DMD: variants seen among roughly 807,000 people sequenced by gnomAD.
DMD encodes the protein dystrophin.
DMD carries 63 observed loss-of-function variants against 330.1 expected under a neutral mutation model. That is an observed-to-expected ratio of 0.19 (90% CI 0.16 to 0.24). The LOEUF (loss-of-function observed/expected upper bound fraction) is 0.24. Among genes scored for constraint, DMD ranks in the 10% least tolerant of loss-of-function variants. DMD has a pLI of 1.00. For synonymous variants in DMD, 1,223 were observed against 959.8 expected, an observed-to-expected ratio of 1.27 and a Z score of -5.07; for missense variants, 3,344 against 2,684.1, an observed-to-expected ratio of 1.25 and a Z score of -5.43.
At chrX:32,195,707 C>T (rs145272492) in intron 44 of DMD, among the ~76,000 whole-genome samples, 15,650 of 111,348 alleles carry the variant, frequency 0.14, 978 homozygotes, top group East Asian at 0.26. Context: ...GGTCAAGAGG[C>T]GGAGGAGGAG....
intron 7 of DMD, among the ~76,000 whole-genome samples, chrX:32,735,551 C>T (rs1326269158): frequency 9.0e-6 from 1 of 111,345 alleles, no homozygotes; most frequent in Non-Finnish European, 1.9e-5. Context: ...CAGCATGGTA[C>T]TGGTACCAAA....
intron 2 of DMD, among the ~76,000 whole-genome samples, chrX:32,941,882 G>T (rs2090445384): frequency 1.8e-5 from 2 of 111,407 alleles, no homozygotes; most frequent in Non-Finnish European, 3.8e-5. Context: ...CTTTTTAAAA[G>T]GTCCTTCCAA....
chrX:31,651,692 G>C (rs1442537324), intron 54 of DMD, among the ~76,000 whole-genome samples: 2 of 110,961 alleles, frequency 1.8e-5, no homozygotes, highest in African/African-American at 6.6e-5. Context: ...GAGTCTTCTT[G>C]ACTCTTTCTC....
rs763681411 is a variant in DMD, at chrX:31,827,469, T to A, written c.7201-7386A>T. Among the ~76,000 whole-genome samples the A allele has an allele frequency of 5.4e-4, 60 of 111,837 alleles. 1 individual carries two copies. Among genetic ancestry groups the A allele is most frequent in the African/African-American group, 1.9e-3 (59 of 30,843 alleles). ...AGAAATGAGATAGACAGCAATGCAATAATAGTGGGGGACTTCAATACTCCA... is the reference window on the plus strand; with the variant it reads ...AGAAATGAGATAGACAGCAATGCAAAAATAGTGGGGGACTTCAATACTCCA... On this transcript the variant is annotated intron_variant, in intron 49 of 78. Transcript: ENST00000357033.
rs192199419 is a variant in DMD, at chrX:32,178,766, G to C, written c.6438+38150C>G. 5.5e-3 allele frequency among the ~76,000 whole-genome samples: 600 copies of C among 109,638 alleles called. 4 individuals carry two copies. Among genetic ancestry groups the C allele is most frequent in the African/African-American group, 0.019 (581 of 30,028 alleles). On this transcript the variant is annotated intron_variant, in intron 44 of 78. Transcript: ENST00000357033. Reference sequence around the variant, plus strand: ...ATTTCATTTAGCATAAGGTCCTCCAGGTCCATCCATGTTGGGACAAATGAC... The same window carrying C: ...ATTTCATTTAGCATAAGGTCCTCCACGTCCATCCATGTTGGGACAAATGAC...
At chrX:32,702,732 AC>A (rs2064246752) in intron 7 of DMD, among the ~76,000 whole-genome samples, 1 of 111,559 alleles carries the variant, frequency 9.0e-6, no homozygotes, top group Non-Finnish European at 1.9e-5. Context: ...ACAACTGTGT[AC>A]GGGGGAAATG....
chrX:32,960,785 T>G (rs942067223), intron 2 of DMD, among the ~76,000 whole-genome samples: 1 of 110,522 alleles, frequency 9.0e-6, no homozygotes, highest in Non-Finnish European at 1.9e-5. Flanking sequence ...AACTGGTTAT[T>G]TAGTTGGTTT....
chrX:33,316,123 A>G (rs966811282), intron 1 of DMD, among the ~76,000 whole-genome samples: 1 of 110,578 alleles, frequency 9.0e-6, no homozygotes, highest in Non-Finnish European at 1.9e-5. Context: ...GTAATCAACT[A>G]TTTCCTAGCA....
At chrX:32,881,326 GTTTC>G (rs1203937783) in intron 2 of DMD, among the ~76,000 whole-genome samples, 1 of 112,451 alleles carries the variant, frequency 8.9e-6, no homozygotes, top group Non-Finnish European at 1.9e-5. Flanking sequence ...TTCTGAACTG[GTTTC>G]TTTCTGTGAA....
intron 44 of DMD, among the ~76,000 whole-genome samples, chrX:31,983,237 T>G (rs2095488445): frequency 9.0e-6 from 1 of 111,228 alleles, no homozygotes; most frequent in South Asian, 3.8e-4. Context: ...GGTATTATCA[T>G]GATGTCAACA....
intron 50 of DMD, among the ~76,000 whole-genome samples, chrX:31,782,376 C>T (rs770757638): frequency 1.7e-4 from 19 of 110,946 alleles, no homozygotes; most frequent in Non-Finnish European, 2.8e-4. Context: ...ACTCTTCCAC[C>T]GCTATGGAAC....
chrX:31,153,492 T>A (rs1712596585), intron 74 of DMD, among the ~76,000 whole-genome samples: 1 of 111,313 alleles, frequency 9.0e-6, no homozygotes, highest in Non-Finnish European at 1.9e-5. Flanking sequence ...TTCACATTTC[T>A]GGTTCACAGA....
rs764865225 is a variant in DMD at position 31,432,509 on chromosome X, C to A, written c.9084+11972G>T. On this transcript the variant is annotated intron_variant, in intron 60 of 78. Transcript: ENST00000357033. The stretch of plus-strand genomic sequence containing the variant: ...TTATAACATTTGATAGTTTCGGAAG[C>A]AGTTTCACAGACCTTATCTCATTGC... 9.5e-4 allele frequency among the ~76,000 whole-genome samples: 107 copies of A among 112,571 alleles called. 3 individuals carry two copies. The highest frequency in any genetic ancestry group is 1.1e-3 in the Non-Finnish European group (58 of 53,341).
At chrX:32,745,435 C>A (rs951298707) in intron 7 of DMD, among the ~76,000 whole-genome samples, 7 of 112,076 alleles carry the variant, frequency 6.2e-5, no homozygotes, top group Admixed American at 1.9e-4. Flanking sequence ...TACCTTAAAG[C>A]ACAAAAGCAT....
At chrX:32,759,737 T>C (rs1325381285) in intron 7 of DMD, among the ~76,000 whole-genome samples, 3 of 110,163 alleles carry the variant, frequency 2.7e-5, no homozygotes, top group Non-Finnish European at 3.8e-5. Flanking sequence ...TAAAACTCCT[T>C]TTTTAAAGTT....
intron 12 of DMD, among the ~76,000 whole-genome samples, chrX:32,601,823 A>C (rs1343445662): frequency 8.9e-6 from 1 of 112,168 alleles, no homozygotes; most frequent in Non-Finnish European, 1.9e-5. Context: ...AAGATTGAAT[A>C]AGGTAAAACT....
intron 17 of DMD, among the ~76,000 whole-genome samples, chrX:32,538,952 G>T (rs1301650303): frequency 1.8e-5 from 2 of 110,538 alleles, no homozygotes; most frequent in African/African-American, 6.6e-5. Flanking sequence ...GCATTTCAAA[G>T]AAGGTCCCAG....
At chrX:32,145,013 A>G (rs1255435871) in intron 44 of DMD, among the ~76,000 whole-genome samples, 1 of 111,970 alleles carries the variant, frequency 8.9e-6, no homozygotes, top group Non-Finnish European at 1.9e-5. Context: ...CAGCCTGGGC[A>G]ACAAGAGTGA....
At chrX:31,345,991 C>T (rs1282689304) in intron 61 of DMD, among the ~76,000 whole-genome samples, 1 of 111,136 alleles carries the variant, frequency 9.0e-6, no homozygotes, top group African/African-American at 3.3e-5. Context: ...ACACACATGA[C>T]AACATCTACT....
Sources: gnomAD v4.1 joint callset for allele counts (sites outside exome capture counted in the v4.1 genomes callset) on GRCh38, gnomAD v4.1.1 for gene constraint, MANE v1.5 for transcripts, NCBI Gene and HGNC (gene_info 2026-07-23, HGNC 2026-07-21) for gene names.